Variants in MACROH2A2 observed in about 807,000 individuals in gnomAD.
MACROH2A2 encodes core histone macro-H2A.2.
MACROH2A2 carries 6 observed loss-of-function variants against 37.6 expected under a neutral mutation model. The ratio of observed to expected loss-of-function variants is 0.16; its 90% confidence interval spans 0.09 to 0.32. The LOEUF is 0.32. Among genes scored for constraint, MACROH2A2 ranks in the 10% least tolerant of loss-of-function variants. MACROH2A2 has a pLI of 1.00. For missense variants in MACROH2A2, 290 were observed against 485.9 expected (o/e 0.60, Z 3.79); for synonymous variants, 192 against 202.7 (o/e 0.95, Z 0.45).
intron 1 of MACROH2A2, among the ~76,000 whole-genome samples, chr10:70,073,074 T>G (rs1371056487): frequency 1.3e-5 from 2 of 152,206 alleles, no homozygotes; most frequent in African/African-American, 2.4e-5. Context: ...ACTGTAGTTA[T>G]GTAGAAGCGG....
chr10:70,067,433 C>T (rs572123113), intron 1 of MACROH2A2, among the ~76,000 whole-genome samples: 2 of 152,118 alleles, frequency 1.3e-5, no homozygotes, highest in African/African-American at 2.4e-5. Context: ...TCAAGAATTC[C>T]GATGCTGGAC....
rs747763192 is a variant in MACROH2A2 at position 70,111,687 on chromosome 10, C to T, written c.*4C>T. ...GGCCAAGCTCGACGCCAAGTAGCCGCCGCACTTTCCAGCAGGGATCGGAGG... is the reference window on the plus strand; with the variant it reads ...GGCCAAGCTCGACGCCAAGTAGCCGTCGCACTTTCCAGCAGGGATCGGAGG... On this transcript the variant is annotated 3_prime_UTR_variant, in exon 9 of 9. Coordinates refer to ENST00000373255, the MANE Select transcript of MACROH2A2 (RefSeq NM_018649.3). The T allele has an allele frequency of 2.5e-6, 4 of 1,602,126 alleles. No homozygotes were observed. The South Asian group carries it at 3.3e-5, about 13-fold the overall frequency.
intron 1 of MACROH2A2, among the ~76,000 whole-genome samples, chr10:70,057,716 C>T (rs1256800380): frequency 2.0e-4 from 31 of 152,158 alleles, no homozygotes; most frequent in Non-Finnish European, 1.5e-5. Context: ...AAATGTCAGA[C>T]TGCATTTCAT....
At chr10:70,081,796 C>A in intron 2 of MACROH2A2, among the ~76,000 whole-genome samples, 1 of 151,808 alleles carries the variant, frequency 6.6e-6, no homozygotes, top group African/African-American at 2.4e-5. Flanking sequence ...AATGGTGCAG[C>A]CTATAGTAAA....
intron 1 of MACROH2A2, among the ~76,000 whole-genome samples, chr10:70,060,589 C>T (rs1310252827): frequency 3.9e-5 from 6 of 152,140 alleles, no homozygotes; most frequent in Non-Finnish European, 8.8e-5. Flanking sequence ...TACAGTCCAC[C>T]TGCTGTCTGG....
chr10:70,091,730 C>A, intron 3 of MACROH2A2, 27 bp from the exon 4 acceptor site: 3 of 1,484,172 alleles, frequency 2.0e-6, no homozygotes, highest in Non-Finnish European at 2.8e-6. Context: ...CTGTTTGCTA[C>A]ATGAGCGCAT....
intron 2 of MACROH2A2, among the ~76,000 whole-genome samples, chr10:70,088,275 T>TCACGCA (rs1394506537): frequency 6.6e-6 from 1 of 150,538 alleles, no homozygotes; most frequent in African/African-American, 2.5e-5. Context: ...CACAGTACAT[T>TCACGCA]CACGCACACG....
intron 2 of MACROH2A2, among the ~76,000 whole-genome samples, chr10:70,078,033 G>GCCC (rs2072151332): frequency 6.6e-6 from 1 of 152,186 alleles, no homozygotes; most frequent in Non-Finnish European, 1.5e-5. Context: ...CAATATTTGT[G>GCCC]TGATGAAAAT....
At chr10:70,093,268 T>C (rs1226004714) in intron 4 of MACROH2A2, among the ~76,000 whole-genome samples, 1 of 152,234 alleles carries the variant, frequency 6.6e-6, no homozygotes, top group Admixed American at 6.5e-5. Context: ...GCAACATTAT[T>C]GAGGATCAAG....
chr10:70,063,086 C>T (rs189124875), intron 1 of MACROH2A2, among the ~76,000 whole-genome samples: 2 of 151,730 alleles, frequency 1.3e-5, no homozygotes, highest in Admixed American at 6.6e-5. Flanking sequence ...TTGTTGCAGC[C>T]CTCCACAGTT....
intron 8 of MACROH2A2, among the ~76,000 whole-genome samples, chr10:70,111,140 G>A (rs113408216): frequency 0.02 from 3,078 of 152,066 alleles, 45 homozygotes; most frequent in Non-Finnish European, 0.03. Flanking sequence ...ATGATGGTGC[G>A]CACTTGTAGT....
At position 70,075,868 on chromosome 10, in the gene MACROH2A2, G is replaced by T; in HGVS notation, c.172+38G>T. 1 of 1,568,888 alleles carries T rather than the reference G, an allele frequency of 6.4e-7. No homozygotes were observed. Among genetic ancestry groups the T allele is most frequent in the South Asian group, 1.1e-5 (1 of 88,276 alleles). On this transcript the variant is annotated intron_variant, in intron 2 of 8. Coordinates refer to ENST00000373255, the MANE Select transcript of MACROH2A2 (RefSeq NM_018649.3). The surrounding 1 kb of genome is among the most constrained non-coding windows in gnomAD (Gnocchi z 5.0). ...CGCAAAGGAGGCTGCCTGCTCCCAG[G>T]TCCCCACCCTCCCCTGGGTCCCCCT...
chr10:70,069,571 G>C (rs2072097421), intron 1 of MACROH2A2, among the ~76,000 whole-genome samples: 1 of 152,134 alleles, frequency 6.6e-6, no homozygotes, highest in African/African-American at 2.4e-5. Flanking sequence ...TGGTGTCTCT[G>C]AGGACACCAA....
At chr10:70,078,026 T>A (rs1192697390) in intron 2 of MACROH2A2, among the ~76,000 whole-genome samples, 2 of 152,206 alleles carry the variant, frequency 1.3e-5, no homozygotes, top group East Asian at 1.9e-4. Context: ...ACTACCCCAA[T>A]ATTTGTGTGA....
intron 6 of MACROH2A2, chr10:70,099,769 GAAC>G: frequency 6.5e-6 from 1 of 152,938 alleles, no homozygotes; most frequent in Non-Finnish European, 1.5e-5. Flanking sequence ...CGGGTTGGGG[GAAC>G]AACATGCCAG....
intron 1 of MACROH2A2, among the ~76,000 whole-genome samples, chr10:70,061,139 T>A (rs2072048108): frequency 6.6e-6 from 1 of 152,160 alleles, no homozygotes; most frequent in African/African-American, 2.4e-5. Context: ...TTTCCTCTCC[T>A]CCCTTCTGAG....
chr10:70,094,865 C>T (rs1057367530), intron 5 of MACROH2A2, among the ~76,000 whole-genome samples: 1 of 152,158 alleles, frequency 6.6e-6, no homozygotes, highest in Admixed American at 6.5e-5. Context: ...GGTCAGAATC[C>T]CAGAGCCCAT....
At chr10:70,096,681 A>C (rs555844335) in intron 6 of MACROH2A2, among the ~76,000 whole-genome samples, 10 of 152,228 alleles carry the variant, frequency 6.6e-5, no homozygotes, top group Non-Finnish European at 1.5e-4. Context: ...CGGAAAGGGT[A>C]AAGTGAGCAA....
chr10:70,075,682 G>A lies in MACROH2A2; in HGVS notation c.24G>A (p.Lys8=). Residue 8 remains lysine, a synonymous_variant, in exon 2 of 9, where the codon AAG becomes AAA. Transcript: ENST00000373255. This position sits in a 1 kb window ranked among gnomAD's most constrained non-coding sequence, Gnocchi z 5.0. MSGRSGK[K]KMSKLSRSAR... ...AGATGTCGGGCCGGAGTGGGAAGAA[G>A]AAAATGTCCAAGCTGTCCCGTTCAG... The A allele has an allele frequency of 6.2e-7, 1 of 1,614,196 alleles. No homozygotes were observed. The highest frequency in any genetic ancestry group is 8.5e-7 in the Non-Finnish European group (1 of 1,180,022).
Sources: allele counts gnomAD v4.1 joint callset (sites outside exome capture counted in the v4.1 genomes callset), GRCh38; gene constraint gnomAD v4.1.1; non-coding constraint Gnocchi (gnomAD v3.1); transcripts MANE v1.5; gene names NCBI Gene and HGNC (gene_info 2026-07-23, HGNC 2026-07-21).